CHN2: variants seen among roughly 807,000 people sequenced by gnomAD.
The protein encoded by CHN2 is beta-chimaerin.
CHN2 carries 35 observed loss-of-function variants against 56.3 expected under a neutral mutation model. The ratio of observed to expected loss-of-function variants is 0.62; its 90% CI spans 0.47 to 0.82. The LOEUF (loss-of-function observed/expected upper bound fraction) is 0.82, where lower values mean the gene tolerates loss of function less well. Ranked by LOEUF, CHN2 falls within the 40% of genes least tolerant of loss-of-function variation. The pLI is 0.00. For synonymous variants in CHN2, 210 were observed against 212.8 expected (o/e 0.99, Z 0.12); for missense variants, 491 against 580.5 (o/e 0.85, Z 1.58).
intron 1 of CHN2, among the ~76,000 whole-genome samples, chr7:29,239,977 T>C (rs1562856768): frequency 6.6e-6 from 1 of 152,176 alleles, no homozygotes; most frequent in Non-Finnish European, 1.5e-5. Context: ...CATTGGCAAC[T>C]AACTCAAACA....
At chr7:29,479,687 A>T (rs76623567) in intron 6 of CHN2, 322,563 of 1,037,828 alleles carry the variant, frequency 0.31, 51,627 homozygotes, top group East Asian at 0.37. Context: ...TGAACGTCAG[A>T]GCTGGCTGGG....
At chr7:29,506,201 A>G (rs1157319394) in intron 10 of CHN2, among the ~76,000 whole-genome samples, 2 of 152,208 alleles carry the variant, frequency 1.3e-5, no homozygotes, top group African/African-American at 2.4e-5. Context: ...TAGGCCTAGA[A>G]TCCCAGCACT....
At chr7:29,484,045 G>T in intron 7 of CHN2, 1 of 485,482 alleles carries the variant, frequency 2.1e-6, no homozygotes, top group Non-Finnish European at 4.0e-6. Context: ...TTTGTATCTA[G>T]CTTTTTCAGT....
intron 10 of CHN2, 86 bp from the exon 11 acceptor site, chr7:29,507,142 G>A (rs1257534453): frequency 7.2e-6 from 8 of 1,116,058 alleles, no homozygotes; most frequent in African/African-American, 1.7e-5. Context: ...AGCATTCATC[G>A]CTGGATTTTT....
At chr7:29,188,009 C>T (rs1244766859) in intron 2 of CHN2, among the ~76,000 whole-genome samples, 1 of 151,972 alleles carries the variant, frequency 6.6e-6, no homozygotes, top group East Asian at 1.9e-4. Flanking sequence ...TCTTCAAAGC[C>T]CAGGCCTGGC....
chr7:29,458,408 CACACACACA>C (rs1236585657), intron 6 of CHN2, among the ~76,000 whole-genome samples: 33 of 151,996 alleles, frequency 2.2e-4, no homozygotes, highest in South Asian at 6.3e-4. Context: ...CACACACACA[CACACACACA>C]CCCCATGCAT....
Position 29,512,724 on chromosome 7 carries a change from G to A in CHN2, c.1396G>A (p.Val466Ile), listed in dbSNP as rs764959137. ...GCAGATTTTAATAGAAAACGAAGACGTTTTATTCTAATCCATCAGGGAAAT... is the reference window on the plus strand; with the variant it reads ...GCAGATTTTAATAGAAAACGAAGACATTTTATTCTAATCCATCAGGGAAAT... ...IVQILIENEDVLF is the reference protein window; with the variant it reads ...IVQILIENEDILF The change falls in exon 13 of 13, where the codon GTT becomes ATT. Residue 466 changes from valine to isoleucine, a missense_variant. By Grantham distance (29) the Val-to-Ile change is conservative. Transcript: ENST00000222792. 18 of 1,613,854 alleles carry A rather than the reference G, an allele frequency of 1.1e-5. No homozygotes were observed. The African/African-American group carries it at 1.2e-4, about 11-fold the overall frequency.
At chr7:29,510,303 G>T (rs62457829) in intron 12 of CHN2, among the ~76,000 whole-genome samples, 1 of 152,186 alleles carries the variant, frequency 6.6e-6, no homozygotes, top group African/African-American at 2.4e-5. Flanking sequence ...TTATCTGAAG[G>T]CTTGATGGGT....
At chr7:29,479,747 G>A in intron 6 of CHN2, 1 of 1,138,076 alleles carries the variant, frequency 8.8e-7, no homozygotes, top group Non-Finnish European at 1.1e-6. Flanking sequence ...ATAAGGAGGA[G>A]AGACCTCTCC....
intron 1 of CHN2, among the ~76,000 whole-genome samples, chr7:29,281,764 C>T (rs1345909974): frequency 1.3e-5 from 2 of 152,204 alleles, no homozygotes; most frequent in African/African-American, 4.8e-5. Flanking sequence ...CGTACAGCCC[C>T]GTCAAGCCAT....
Position 29,500,023 on chromosome 7 carries a change from GGGAAATTGAAGCAAGAGGTTT to G in CHN2, c.902_913+9del. On this transcript the variant is annotated splice_donor_variant and splice_donor_region_variant and coding_sequence_variant and intron_variant, in exon 9 of 13. Transcript: ENST00000222792. LOFTEE classifies it high-confidence loss of function. The stretch of plus-strand genomic sequence containing the variant: ...CCCATGGTGGTAGACATATGCATTC[GGGAAATTGAAGCAAGAGGTTT>G]GGAAAATACTTCCTATTATAGTAGT... The G allele has an allele frequency of 1.9e-6, 3 of 1,545,930 alleles. No individual in the cohort carries two copies. Among genetic ancestry groups the G allele is most frequent in the Non-Finnish European group, 2.6e-6 (3 of 1,145,440 alleles).
At chr7:29,266,945 TC>T (rs869090992) in intron 1 of CHN2, among the ~76,000 whole-genome samples, 1 of 124,872 alleles carries the variant, frequency 8.0e-6, no homozygotes, top group African/African-American at 2.7e-5. Flanking sequence ...TTGGCCCTTC[TC>T]CCTCCTCAAG....
chr7:29,487,569 G>A (rs1488655385), intron 7 of CHN2, among the ~76,000 whole-genome samples: 1 of 152,104 alleles, frequency 6.6e-6, no homozygotes. Context: ...AGCCTCCAGG[G>A]AATACTCAGA....
chr7:29,506,499 T>C (rs1425736373), intron 10 of CHN2, among the ~76,000 whole-genome samples: 1 of 151,986 alleles, frequency 6.6e-6, no homozygotes, highest in Admixed American at 6.6e-5. Context: ...TAGCCAGGCA[T>C]GGTGGCACGT....
At chr7:29,452,854 A>G (rs1367116006) in intron 6 of CHN2, among the ~76,000 whole-genome samples, 1 of 152,232 alleles carries the variant, frequency 6.6e-6, no homozygotes, top group Non-Finnish European at 1.5e-5. Context: ...GTGAGGAGAA[A>G]TCAGAGAAGC....
At chr7:29,352,350 C>CGTGTGTGTGTGTGTGTGTGT (rs60859228) in intron 1 of CHN2, among the ~76,000 whole-genome samples, 2 of 149,976 alleles carry the variant, frequency 1.3e-5, no homozygotes, top group African/African-American at 5.0e-5. Context: ...TGCAGTCTGT[C>CGTGTGTGTGTGTGTGTGTGT]GTGTGTGTGT....
At chr7:29,354,777 C>G (rs904593082) in intron 2 of CHN2, 114 bp downstream of exon 2, 12 of 898,088 alleles carry the variant, frequency 1.3e-5, no homozygotes, top group Non-Finnish European at 2.1e-5. Context: ...GCACTGAAAA[C>G]CCAAATCTTT....
chr7:29,459,838 G>A (rs1221978953), intron 6 of CHN2, among the ~76,000 whole-genome samples: 2 of 152,322 alleles, frequency 1.3e-5, no homozygotes, highest in Middle Eastern at 3.4e-3. Context: ...CGAAAAGCTT[G>A]TCTATCGTTA....
intron 1 of CHN2, among the ~76,000 whole-genome samples, chr7:29,311,139 A>G (rs539584145): frequency 6.6e-6 from 1 of 152,184 alleles, no homozygotes; most frequent in South Asian, 2.1e-4. Context: ...CCTTGTTAGC[A>G]TCTCTTGTAT....
Sources: gnomAD v4.1 joint callset for allele counts (sites outside exome capture counted in the v4.1 genomes callset) on GRCh38, gnomAD v4.1.1 for gene constraint, MANE v1.5 for transcripts, NCBI Gene and HGNC (gene_info 2026-07-23, HGNC 2026-07-21) for gene names.